The following C8orf34 variants were observed in gnomAD, a reference collection of about 807,000 sequenced individuals.
C8orf34 encodes uncharacterized protein C8orf34.
Under a neutral mutation model 68.3 loss-of-function variants are expected in C8orf34, and 65 were observed. The ratio of observed to expected loss-of-function variants is 0.95; its 90% CI spans 0.78 to 1.17. The LOEUF is 1.17. Ranked by LOEUF, C8orf34 falls within the 50% of genes most tolerant of loss-of-function variation. The pLI is 0.00. For missense variants in C8orf34, 664 were observed against 655.4 expected (o/e 1.01, Z -0.14); for synonymous variants, 244 against 241.2 (o/e 1.01, Z -0.11).
intron 7 of C8orf34, among the ~76,000 whole-genome samples, chr8:68,547,784 G>A (rs1815934255): frequency 6.6e-6 from 1 of 151,590 alleles, no homozygotes; most frequent in African/African-American, 2.4e-5. Flanking sequence ...TGGAATTATA[G>A]GATCTGATTG....
At chr8:68,412,408 A>C (rs1809480664) in intron 1 of C8orf34, among the ~76,000 whole-genome samples, 1 of 152,146 alleles carries the variant, frequency 6.6e-6, no homozygotes, top group African/African-American at 2.4e-5. Context: ...AACATTTTAG[A>C]CTTGCTAGAT....
chr8:68,618,265 T>A (rs1818286533), intron 7 of C8orf34, among the ~76,000 whole-genome samples: 1 of 152,092 alleles, frequency 6.6e-6, no homozygotes, highest in Admixed American at 6.6e-5. Context: ...ATAACATTAG[T>A]TTATTCTTTA....
chr8:68,533,505 C>A (rs1815337293), intron 7 of C8orf34: 3 of 992,952 alleles, frequency 3.0e-6, no homozygotes, highest in Admixed American at 6.0e-5. Context: ...ATAAAATATA[C>A]CCAAAGTACA....
intron 2 of C8orf34, among the ~76,000 whole-genome samples, chr8:68,445,522 G>T (rs1811084474): frequency 6.6e-6 from 1 of 152,072 alleles, no homozygotes; most frequent in African/African-American, 2.4e-5. Flanking sequence ...CTTTAATTGT[G>T]GAATGGGCAA....
At chr8:68,390,254 T>C (rs1808427015) in intron 1 of C8orf34, among the ~76,000 whole-genome samples, 1 of 152,118 alleles carries the variant, frequency 6.6e-6, no homozygotes, top group African/African-American at 2.4e-5. Context: ...AATGTGTTAG[T>C]GCCTTGGGTT....
At chr8:68,781,009 T>C (rs1267123621) in intron 11 of C8orf34, among the ~76,000 whole-genome samples, 1 of 152,122 alleles carries the variant, frequency 6.6e-6, no homozygotes, top group Non-Finnish European at 1.5e-5. Flanking sequence ...TTTACAGGGA[T>C]TCCATGGTTA....
intron 1 of C8orf34, among the ~76,000 whole-genome samples, chr8:68,410,096 C>T (rs146573442): frequency 6.6e-6 from 1 of 152,280 alleles, no homozygotes. Flanking sequence ...ATCCCTATTA[C>T]TAAGTGAGAC....
intron 7 of C8orf34, among the ~76,000 whole-genome samples, chr8:68,585,727 A>T (rs1817189848): frequency 6.6e-6 from 1 of 152,012 alleles, no homozygotes; most frequent in South Asian, 2.1e-4. Flanking sequence ...TGCTAACAGG[A>T]GGCCTTAGTT....
chr8:68,487,723 T>C (rs181552139), intron 4 of C8orf34, among the ~76,000 whole-genome samples: 9 of 152,338 alleles, frequency 5.9e-5, no homozygotes, highest in Admixed American at 4.6e-4. Context: ...AAATGATATC[T>C]CTACAATTAC....
At chr8:68,623,833 G>A (rs1372913632) in intron 7 of C8orf34, among the ~76,000 whole-genome samples, 1 of 151,962 alleles carries the variant, frequency 6.6e-6, no homozygotes, top group African/African-American at 2.4e-5. Context: ...TATTCCCAAA[G>A]GGCCCACCTC....
At chr8:68,562,777 AT>A (rs1401073876) in intron 7 of C8orf34, among the ~76,000 whole-genome samples, 2 of 152,206 alleles carry the variant, frequency 1.3e-5, no homozygotes, top group African/African-American at 2.4e-5. Context: ...CTCTCATCAG[AT>A]TGGGCGATCC....
At chr8:68,781,257 T>G (rs1293801470) in intron 11 of C8orf34, among the ~76,000 whole-genome samples, 1 of 152,186 alleles carries the variant, frequency 6.6e-6, no homozygotes, top group Non-Finnish European at 1.5e-5. Context: ...AATAAGCTCT[T>G]CATGTGGATC....
At chr8:68,672,640 C>G (rs1391069340) in intron 8 of C8orf34, among the ~76,000 whole-genome samples, 2 of 152,152 alleles carry the variant, frequency 1.3e-5, no homozygotes, top group African/African-American at 4.8e-5. Flanking sequence ...AGCCTTGCCT[C>G]CATGGGCTAA....
At chr8:68,437,237 A>G (rs187765046) in intron 1 of C8orf34, among the ~76,000 whole-genome samples, 5 of 152,346 alleles carry the variant, frequency 3.3e-5, no homozygotes, top group African/African-American at 4.8e-5. Flanking sequence ...TCCATCTTCT[A>G]AAGAAAAATG....
chr8:68,796,865 C>T (rs550271253), intron 12 of C8orf34, among the ~76,000 whole-genome samples: 3 of 131,822 alleles, frequency 2.3e-5, no homozygotes, highest in Non-Finnish European at 3.1e-5. Flanking sequence ...CTTGCTCTGT[C>T]GCTGAGGCTG....
chr8:68,383,262 T>C lies in C8orf34; in HGVS notation c.327+51923T>C, dbSNP rs189456617. Among the ~76,000 whole-genome samples the C allele has an allele frequency of 1.3e-3, 197 of 152,310 alleles. 2 individuals are homozygous for C. Among genetic ancestry groups the C allele is most frequent in the Admixed American group, 6.6e-3 (101 of 15,288 alleles). The stretch of plus-strand genomic sequence containing the variant: ...TTCTGAATTTACTTCAACTGTACGA[T>C]GTAGAGCACATTAAGAGGGGAAACA... On this transcript the variant is annotated intron_variant, in intron 1 of 13. Transcript: ENST00000518698.
intron 10 of C8orf34, among the ~76,000 whole-genome samples, chr8:68,731,257 G>A (rs760125125): frequency 2.6e-5 from 4 of 151,980 alleles, no homozygotes; most frequent in Non-Finnish European, 2.9e-5. Context: ...ACATTTGCAG[G>A]GTTCTTTTTT....
chr8:68,405,280 A>G (rs1809145283), intron 1 of C8orf34, among the ~76,000 whole-genome samples: 1 of 152,142 alleles, frequency 6.6e-6, no homozygotes, highest in Non-Finnish European at 1.5e-5. Context: ...CTTTTAGGGT[A>G]CTTGAATCCT....
chr8:68,551,286 C>G (rs1177549703), intron 7 of C8orf34, among the ~76,000 whole-genome samples: 1 of 151,714 alleles, frequency 6.6e-6, no homozygotes, highest in Non-Finnish European at 1.5e-5. Context: ...CAGCCATGTC[C>G]AGTCTACTAA....
Sources: allele counts gnomAD v4.1 joint callset (sites outside exome capture counted in the v4.1 genomes callset), GRCh38; gene constraint gnomAD v4.1.1; transcripts MANE v1.5; gene names NCBI Gene and HGNC (gene_info 2026-07-23, HGNC 2026-07-21).